EMSY: variants seen among roughly 807,000 people sequenced by gnomAD.
The protein encoded by EMSY is BRCA2-interacting transcriptional repressor EMSY.
Under a neutral mutation model 134.6 loss-of-function variants are expected in EMSY, and 26 were observed. The ratio of observed to expected loss-of-function variants is 0.19; its 90% CI spans 0.14 to 0.27. The LOEUF (loss-of-function observed/expected upper bound fraction) is 0.27. EMSY is among the 10% of genes least tolerant of loss of function. The pLI is 1.00. For synonymous variants in EMSY, 579 were observed against 577.8 expected, an observed-to-expected ratio of 1.00 and a Z score of -0.03; for missense variants, 1,305 against 1,611.4, an observed-to-expected ratio of 0.81 and a Z score of 3.26.
exon 19 of EMSY, chr11:76,544,519 A>G (rs1276468022): frequency 1.1e-5 from 18 of 1,613,760 alleles, no homozygotes; most frequent in Non-Finnish European, 1.4e-5. Flanking sequence ...TCCAGCACAA[A>G]CTCCCGCAAA....
rs202089683 is a variant in EMSY, at chr11:76,448,073, C to CA, written c.70+1074dup. ...AAATTTGTTGATAGTTTTGTTAAAA[C>CA]AAAAAAAAAGAGGATAACACTCTCT... On this transcript the variant is annotated intron_variant, in intron 2 of 20. Coordinates refer to ENST00000334736, the Ensembl canonical transcript of EMSY. Among the ~76,000 whole-genome samples, 882 of 149,610 alleles carry CA rather than the reference C, an allele frequency of 5.9e-3. 9 individuals carry two copies. Among genetic ancestry groups the CA allele is most frequent in the African/African-American group, 0.02 (825 of 40,894 alleles).
chr11:76,539,005 A>G (rs1236285183), intron 16 of EMSY, among the ~76,000 whole-genome samples: 3 of 152,184 alleles, frequency 2.0e-5, no homozygotes, highest in Non-Finnish European at 4.4e-5. Flanking sequence ...CCATTTAAAT[A>G]CTTACAAGTT....
At chr11:76,495,874 C>A (rs1949634304) in intron 8 of EMSY, among the ~76,000 whole-genome samples, 1 of 152,022 alleles carries the variant, frequency 6.6e-6, no homozygotes, top group Non-Finnish European at 1.5e-5. Context: ...TTATATTATT[C>A]ACATTGAGAA....
intron 5 of EMSY, chr11:76,459,413 A>G (rs1182551389): frequency 1.3e-5 from 2 of 153,700 alleles, no homozygotes; most frequent in Non-Finnish European, 2.9e-5. Flanking sequence ...AGGTTGAAAT[A>G]TGATGTTGTC....
chr11:76,547,751 T>G (rs1449931508), intron 20 of EMSY, among the ~76,000 whole-genome samples: 4 of 152,250 alleles, frequency 2.6e-5, no homozygotes, highest in Non-Finnish European at 4.4e-5. Context: ...TTAAAAATCA[T>G]TTTGAACAGC....
intron 9 of EMSY, among the ~76,000 whole-genome samples, chr11:76,498,802 T>A (rs888133131): frequency 7.2e-5 from 11 of 152,224 alleles, no homozygotes; most frequent in African/African-American, 2.7e-4. Context: ...ACTTTATCTG[T>A]AATTAATATA....
chr11:76,546,096 CATG>C, exon 20 of EMSY: 1 of 1,614,124 alleles, frequency 6.2e-7, no homozygotes, highest in Non-Finnish European at 8.5e-7. Context: ...CCTCCACCCA[CATG>C]GTGGTGGCAG....
At chr11:76,469,059 C>T (rs984525872) in intron 7 of EMSY, among the ~76,000 whole-genome samples, 2 of 152,158 alleles carry the variant, frequency 1.3e-5, no homozygotes, top group Non-Finnish European at 2.9e-5. Flanking sequence ...CAGAAATCAT[C>T]TTGCAGGCTG....
intron 19 of EMSY, 37 bp from the exon 21 acceptor site, chr11:76,545,760 T>C (rs1951622344): frequency 3.2e-6 from 5 of 1,552,890 alleles, no homozygotes; most frequent in Middle Eastern, 1.7e-4. Flanking sequence ...CTCAAAGAGA[T>C]GTAGCTATAA....
intron 8 of EMSY, among the ~76,000 whole-genome samples, chr11:76,479,084 C>A (rs772346081): frequency 3.3e-5 from 5 of 151,816 alleles, no homozygotes; most frequent in Non-Finnish European, 5.9e-5. Flanking sequence ...AGTCCTTATT[C>A]TTCTTGTTTT....
intron 8 of EMSY, among the ~76,000 whole-genome samples, chr11:76,474,836 T>G (rs1289007933): frequency 6.6e-6 from 1 of 152,214 alleles, no homozygotes; most frequent in African/African-American, 2.4e-5. Context: ...TGATCTTGGC[T>G]TCCTGCAACC....
chr11:76,527,596 C>G (rs1382785405), intron 13 of EMSY, among the ~76,000 whole-genome samples: 1 of 151,972 alleles, frequency 6.6e-6, no homozygotes, highest in Non-Finnish European at 1.5e-5. Context: ...AAAATTTTCT[C>G]CCATTTCACT....
intron 2 of EMSY, among the ~76,000 whole-genome samples, chr11:76,449,036 A>G (rs1031220365): frequency 1.3e-5 from 2 of 151,976 alleles, no homozygotes; most frequent in Non-Finnish European, 2.9e-5. Context: ...GGCTTTATGG[A>G]CTATAGTGTA....
Position 76,546,004 on chromosome 11 carries a change from A to G in EMSY, c.3481A>G (p.Thr1161Ala), listed in dbSNP as rs764705156. The stretch of plus-strand genomic sequence containing the variant: ...GTCTTTGATGGAAGCTCAGATTGAT[A>G]CAAATGTAGAACATATGATAGTGGA... The change falls in exon 20 of 21, where the codon ACA becomes GCA. Residue 1161 changes from threonine (T) to alanine (A), a missense_variant. Physicochemically the swap from Thr to Ala is moderately conservative, Grantham distance 58. Coordinates refer to ENST00000334736, the Ensembl canonical transcript of EMSY. The G allele has an allele frequency of 3.7e-6, 6 of 1,614,076 alleles. No homozygotes were observed. In the African/African-American group the frequency reaches 4.0e-5, roughly 11 times the overall value.
chr11:76,546,218 C>A (rs1951645647), exon 20 of EMSY: 2 of 1,614,012 alleles, frequency 1.2e-6, no homozygotes, highest in Admixed American at 3.3e-5. Flanking sequence ...CCAGCAGTGC[C>A]TGCGACAGGC....
At chr11:76,535,830 G>GTTTT in intron 14 of EMSY, 65 bp from the exon 16 acceptor site, 1 of 906,676 alleles carries the variant, frequency 1.1e-6, no homozygotes, top group South Asian at 3.5e-5. Context: ...AAAATTGTTT[G>GTTTT]TTTTTTTTTT....
intron 9 of EMSY, among the ~76,000 whole-genome samples, chr11:76,511,513 C>T (rs538709532): frequency 6.6e-6 from 1 of 152,162 alleles, no homozygotes; most frequent in East Asian, 1.9e-4. Context: ...GCCTGGCCAA[C>T]ATGGTGAAAC....
intron 2 of EMSY, among the ~76,000 whole-genome samples, chr11:76,451,172 T>A (rs1323960926): frequency 6.6e-6 from 1 of 152,188 alleles, no homozygotes; most frequent in Non-Finnish European, 1.5e-5. Context: ...ATTCAGTATA[T>A]TATGTCCTAG....
chr11:76,463,051 C>T (rs56394729), intron 6 of EMSY, among the ~76,000 whole-genome samples: 40,909 of 152,006 alleles, frequency 0.27, 5,788 homozygotes, highest in Non-Finnish European at 0.31. Context: ...CACGGTGGCT[C>T]ACGCCTGTAA....
Sources: gnomAD v4.1 joint callset for allele counts (sites outside exome capture counted in the v4.1 genomes callset) on GRCh38, gnomAD v4.1.1 for gene constraint, MANE v1.5 for transcripts, NCBI Gene and HGNC (gene_info 2026-07-23, HGNC 2026-07-21) for gene names.